The following ATP2B2 variants were observed in gnomAD, a reference collection of about 807,000 sequenced individuals.
The protein encoded by ATP2B2 is ATPase plasma membrane Ca2+ transporting 2, also known as plasma membrane calcium-transporting ATPase 2.
In ATP2B2, 15 loss-of-function variants were observed where a neutral mutation model predicts 120.0. The observed-to-expected ratio is 0.12, with a 90% CI of 0.08 to 0.19. The LOEUF is 0.19. ATP2B2 is among the 10% of genes least tolerant of loss of function. The probability of loss-of-function intolerance (pLI) is 1.00; values close to 1 mark genes in which losing one functional copy is unlikely to be tolerated. For synonymous variants in ATP2B2, 694 were observed against 700.3 expected (o/e 0.99, Z 0.14); for missense variants, 1,045 against 1,719.8 (o/e 0.61, Z 6.94).
intron 1 of ATP2B2, among the ~76,000 whole-genome samples, chr3:10,497,340 T>G (rs1028566610): frequency 4.6e-5 from 7 of 152,252 alleles, no homozygotes; most frequent in Non-Finnish European, 7.3e-5. Context: ...GGTTCCAGTC[T>G]GCTGGGAGCT....
At chr3:10,436,816 C>G (rs2063494817) in intron 2 of ATP2B2, among the ~76,000 whole-genome samples, 1 of 152,208 alleles carries the variant, frequency 6.6e-6, no homozygotes, top group Non-Finnish European at 1.5e-5. Context: ...AACCATCACC[C>G]CAGTCTCACC....
chr3:10,483,931 G>A (rs1029922819), intron 1 of ATP2B2, among the ~76,000 whole-genome samples: 2 of 78,148 alleles, frequency 2.6e-5, no homozygotes, highest in African/African-American at 9.2e-5. Flanking sequence ...GCGGTCCAGG[G>A]ATAAAGGGGT....
At chr3:10,561,674 G>A (rs554195406) in intron 2 of ATP2B2, among the ~76,000 whole-genome samples, 2 of 152,262 alleles carry the variant, frequency 1.3e-5, no homozygotes, top group South Asian at 2.1e-4. Context: ...CTGTTCTCAC[G>A]GTAGTGAATA....
chr3:10,480,650 T>C (rs1177870710), intron 1 of ATP2B2, among the ~76,000 whole-genome samples: 3 of 152,204 alleles, frequency 2.0e-5, no homozygotes, highest in Non-Finnish European at 4.4e-5. Flanking sequence ...CCTAGACCCC[T>C]AGCTTGGTCC....
chr3:10,336,504 C>T (rs947339830), intron 22 of ATP2B2, among the ~76,000 whole-genome samples: 2 of 152,210 alleles, frequency 1.3e-5, no homozygotes, highest in East Asian at 1.9e-4. Context: ...CCAGGGTCCC[C>T]GGGAGGACAC....
At chr3:10,524,232 GTGGGCTTC>G (rs957491135) in intron 3 of ATP2B2, among the ~76,000 whole-genome samples, 1 of 152,118 alleles carries the variant, frequency 6.6e-6, no homozygotes, top group Non-Finnish European at 1.5e-5. Flanking sequence ...AAGGGAGGGG[GTGGGCTTC>G]TGGCACAAAA....
At position 10,375,946 on chromosome 3, in the gene ATP2B2, A is replaced by C. The variant is rs2061369772; in HGVS notation, c.1202-302T>G. On this transcript the variant is annotated intron_variant, in intron 10 of 22. Coordinates refer to ENST00000360273, the MANE Select transcript of ATP2B2 (RefSeq NM_001001331.4). The surrounding 1 kb of genome is among the most constrained non-coding windows in gnomAD (Gnocchi z 4.2). ...TGCTCGGCAATAGTATGTGCTCGAC[A>C]CATAGTAGGTGCTCAAGAGATGTGT... Among the ~76,000 whole-genome samples the C allele has an allele frequency of 6.6e-6, 1 of 152,270 alleles. No homozygotes were observed. Among genetic ancestry groups the C allele is most frequent in the South Asian group, 2.1e-4 (1 of 4,836 alleles).
At chr3:10,629,860 A>G (rs1380005670) in intron 1 of ATP2B2, among the ~76,000 whole-genome samples, 5 of 152,256 alleles carry the variant, frequency 3.3e-5, no homozygotes, top group African/African-American at 9.6e-5. Flanking sequence ...AAAAGCAGAA[A>G]TCCTCTTACA....
At chr3:10,508,026 G>A (rs568680700), upstream of ATP2B2, among the ~76,000 whole-genome samples, 224 of 152,048 alleles carry the variant, frequency 1.5e-3, no homozygotes, top group Non-Finnish European at 2.0e-3. Flanking sequence ...TGTCTGAGAC[G>A]GGCTGGGCTC....
intron 12 of ATP2B2, among the ~76,000 whole-genome samples, chr3:10,362,055 A>C (rs1490639324): frequency 6.6e-6 from 1 of 152,238 alleles, no homozygotes; most frequent in East Asian, 1.9e-4. Context: ...ACATTGAGAC[A>C]GGTGACTCAG....
At chr3:10,526,990 C>T (rs1279991948) in intron 3 of ATP2B2, among the ~76,000 whole-genome samples, 1 of 152,204 alleles carries the variant, frequency 6.6e-6, no homozygotes, top group Non-Finnish European at 1.5e-5. Flanking sequence ...TTATTATCCC[C>T]ATTTCATGGG....
chr3:10,627,436 T>C (rs963677849), intron 1 of ATP2B2, among the ~76,000 whole-genome samples: 1 of 152,112 alleles, frequency 6.6e-6, no homozygotes, highest in African/African-American at 2.4e-5. Context: ...CAAACAAAGA[T>C]GGGAGGACAG....
Position 10,447,345 on chromosome 3 carries a change from G to T in ATP2B2, c.199+2000C>A, listed in dbSNP as rs376663478. On this transcript the variant is annotated intron_variant, in intron 2 of 22. Transcript: ENST00000360273. ...AACCAGCCGGAAATGGCCCTGCAAG[G>T]TTGCTGGAACTTGGCCGTGAGCTGC... Among the ~76,000 whole-genome samples, 125 of 152,358 alleles carry T rather than the reference G, an allele frequency of 8.2e-4. 1 individual carries two copies. The highest frequency in any genetic ancestry group is 2.9e-3 in the African/African-American group (121 of 41,594).
At chr3:10,505,004 T>C (rs1296087966) in intron 1 of ATP2B2, among the ~76,000 whole-genome samples, 1 of 152,182 alleles carries the variant, frequency 6.6e-6, no homozygotes, top group Non-Finnish European at 1.5e-5. Flanking sequence ...CCTGGGACTC[T>C]GACCAGGGTG....
At chr3:10,654,002 C>T (rs2070539329) in intron 1 of ATP2B2, among the ~76,000 whole-genome samples, 1 of 152,188 alleles carries the variant, frequency 6.6e-6, no homozygotes, top group Non-Finnish European at 1.5e-5. Context: ...TTCCTTCCTA[C>T]ACAGCATCAA....
chr3:10,352,482 G>A (rs1027820542), intron 14 of ATP2B2, among the ~76,000 whole-genome samples: 1 of 152,232 alleles, frequency 6.6e-6, no homozygotes, highest in Non-Finnish European at 1.5e-5. Flanking sequence ...AGCTACTGGA[G>A]TTGTCTAAGA....
At chr3:10,529,019 AC>A (rs573492716) in intron 3 of ATP2B2, among the ~76,000 whole-genome samples, 1 of 152,012 alleles carries the variant, frequency 6.6e-6, no homozygotes, top group Non-Finnish European at 1.5e-5. Flanking sequence ...TCCAGCACTG[AC>A]CCCCCACCTC....
intron 22 of ATP2B2, among the ~76,000 whole-genome samples, chr3:10,331,363 G>A (rs749050458): frequency 2.0e-5 from 3 of 152,226 alleles, no homozygotes; most frequent in Non-Finnish European, 4.4e-5. Context: ...TAGCTGCCTA[G>A]CCTGGTGCTC....
chr3:10,605,671 C>A (rs1274376402), intron 2 of ATP2B2, among the ~76,000 whole-genome samples: 1 of 145,722 alleles, frequency 6.9e-6, no homozygotes, highest in Non-Finnish European at 1.5e-5. Context: ...TTTTTTGAGA[C>A]AGAGTCTCAC....
Sources: allele counts gnomAD v4.1 joint callset (sites outside exome capture counted in the v4.1 genomes callset), GRCh38; gene constraint gnomAD v4.1.1; non-coding constraint Gnocchi (gnomAD v3.1); transcripts MANE v1.5; gene names NCBI Gene and HGNC (gene_info 2026-07-23, HGNC 2026-07-21).